Variants in MAGI1 observed in about 807,000 individuals in gnomAD.
MAGI1 encodes membrane associated guanylate kinase, WW and PDZ domain containing 1, also known as membrane-associated guanylate kinase, WW and PDZ domain-containing protein 1.
MAGI1 carries 58 observed loss-of-function variants against 139.9 expected under a neutral mutation model. The ratio of observed to expected loss-of-function variants is 0.41; its 90% CI spans 0.34 to 0.52. MAGI1 has a LOEUF of 0.52. Ranked by LOEUF, MAGI1 falls within the 20% of genes least tolerant of loss-of-function variation. MAGI1 has a pLI of 0.12. For missense variants in MAGI1, 1,874 were observed against 1,901.6 expected, an observed-to-expected ratio of 0.99 and a Z score of 0.27; for synonymous variants, 812 against 737.9, an observed-to-expected ratio of 1.10 and a Z score of -1.63.
intron 1 of MAGI1, among the ~76,000 whole-genome samples, chr3:65,835,729 G>T (rs1195877914): frequency 2.0e-5 from 3 of 152,100 alleles, no homozygotes; most frequent in South Asian, 2.1e-4. Flanking sequence ...AAATGTAAAT[G>T]AGAACATTCT....
intron 1 of MAGI1, among the ~76,000 whole-genome samples, chr3:65,775,972 C>G (rs1163491699): frequency 6.6e-6 from 1 of 150,800 alleles, no homozygotes; most frequent in African/African-American, 2.4e-5. Flanking sequence ...TCTAATTATT[C>G]TTTGATGAAT....
intron 1 of MAGI1, among the ~76,000 whole-genome samples, chr3:65,905,530 C>T (rs2061404298): frequency 6.6e-6 from 1 of 151,404 alleles, no homozygotes. Context: ...TTTTTAGAGA[C>T]AGGGTCTCAC....
rs1262992894 is a variant in MAGI1 at position 65,697,723 on chromosome 3, C to T, written c.314-75635G>A. Among the ~76,000 whole-genome samples the T allele has an allele frequency of 2.7e-5, 3 of 112,158 alleles. No homozygotes were observed. In the South Asian group the frequency reaches 8.0e-4, roughly 30 times the overall value. The allele number at this position is 112,158 out of a possible 152,430, so 73.6% of individuals were successfully genotyped here. A position where few individuals can be genotyped will look rare whatever the true frequency, so the allele number is the denominator to read the frequency against. On this transcript the variant is annotated intron_variant, in intron 1 of 22. Transcript: ENST00000402939. The stretch of plus-strand genomic sequence containing the variant: ...TAAATTAGGTATTGATGGGACATAT[C>T]TCAAAATAATAAGAGCTATCTATGA...
intron 1 of MAGI1, among the ~76,000 whole-genome samples, chr3:65,867,613 A>C (rs76941934): frequency 0.16 from 24,510 of 152,034 alleles, 2,525 homozygotes; most frequent in East Asian, 0.34. Context: ...CCCACGCCTA[A>C]AGTCCCAGTT....
chr3:65,398,233 G>A (rs1944547787), intron 13 of MAGI1, among the ~76,000 whole-genome samples: 1 of 152,186 alleles, frequency 6.6e-6, no homozygotes, highest in South Asian at 2.1e-4. Flanking sequence ...GAAGATGATA[G>A]CTAGGTGTGG....
intron 2 of MAGI1, among the ~76,000 whole-genome samples, chr3:65,507,898 T>TA (rs1401457236): frequency 1.3e-5 from 2 of 151,208 alleles, no homozygotes; most frequent in Non-Finnish European, 3.0e-5. Context: ...TAGAGGTGAT[T>TA]TTTTTTTTAA....
chr3:65,489,665 G>C (rs1363273006), intron 3 of MAGI1, among the ~76,000 whole-genome samples: 1 of 152,144 alleles, frequency 6.6e-6, no homozygotes, highest in African/African-American at 2.4e-5. Flanking sequence ...AGAATGAGGT[G>C]AAACTGTATG....
intron 2 of MAGI1, among the ~76,000 whole-genome samples, chr3:65,550,565 T>C: frequency 6.6e-6 from 1 of 152,200 alleles, no homozygotes; most frequent in Non-Finnish European, 1.5e-5. Flanking sequence ...ACTTTAGTTT[T>C]AGTTTCAGGT....
chr3:65,615,256 A>T (rs1291455733), intron 2 of MAGI1, among the ~76,000 whole-genome samples: 1 of 152,078 alleles, frequency 6.6e-6, no homozygotes, highest in Non-Finnish European at 1.5e-5. Flanking sequence ...TCACCCCCAA[A>T]ATTACACTTA....
intron 12 of MAGI1, among the ~76,000 whole-genome samples, chr3:65,404,352 A>C (rs936562111): frequency 6.6e-6 from 1 of 152,200 alleles, no homozygotes; most frequent in African/African-American, 2.4e-5. Context: ...AGTCCATGGA[A>C]TATTCCAGAA....
At chr3:65,419,177 G>A (rs1045296629) in intron 12 of MAGI1, among the ~76,000 whole-genome samples, 2 of 151,018 alleles carry the variant, frequency 1.3e-5, no homozygotes, top group Non-Finnish European at 2.9e-5. Flanking sequence ...ACAAACTTAT[G>A]TGACTATGTT....
At chr3:65,465,557 A>G (rs1456692986) in intron 5 of MAGI1, among the ~76,000 whole-genome samples, 1 of 152,162 alleles carries the variant, frequency 6.6e-6, no homozygotes, top group African/African-American at 2.4e-5. Flanking sequence ...GAAAAATGCT[A>G]TGCCACTTCC....
intron 6 of MAGI1, among the ~76,000 whole-genome samples, chr3:65,448,946 A>G (rs1948846000): frequency 6.6e-6 from 1 of 152,112 alleles, no homozygotes; most frequent in Admixed American, 6.5e-5. Context: ...TATAAGCTTC[A>G]CAAACACAGG....
Position 65,858,100 on chromosome 3 carries a change from C to T in MAGI1, c.313+179896G>A, listed in dbSNP as rs951085401. ...CTCCAGCCTGGGTGACAGAGAGACA[C>T]ATTGTCTCAAAAACAAACAAACAAA... On this transcript the variant is annotated intron_variant, in intron 1 of 22. Coordinates refer to ENST00000402939, the MANE Select transcript of MAGI1 (RefSeq NM_001033057.2). Among the ~76,000 whole-genome samples the T allele has an allele frequency of 1.2e-4, 17 of 146,694 alleles. No individual in the cohort carries two copies. In the East Asian group the frequency reaches 2.7e-3, roughly 23 times the overall value.
chr3:65,694,704 G>T (rs1055717030), intron 1 of MAGI1, among the ~76,000 whole-genome samples: 5 of 152,196 alleles, frequency 3.3e-5, no homozygotes, highest in African/African-American at 1.2e-4. Context: ...CACCTAACTT[G>T]TACTCCTGTG....
intron 1 of MAGI1, among the ~76,000 whole-genome samples, chr3:66,022,236 A>G (rs766772481): frequency 2.6e-5 from 4 of 152,192 alleles, no homozygotes; most frequent in Non-Finnish European, 4.4e-5. Context: ...ATTTTTAGCT[A>G]AAATGTCGCA....
intron 1 of MAGI1, among the ~76,000 whole-genome samples, chr3:65,752,248 C>A (rs980807868): frequency 2.6e-5 from 4 of 152,158 alleles, no homozygotes; most frequent in African/African-American, 9.7e-5. Flanking sequence ...TGCAAAGATA[C>A]TTAGAAGTAG....
intron 2 of MAGI1, among the ~76,000 whole-genome samples, chr3:65,619,457 A>ACCC (rs1315247889): frequency 1.3e-5 from 2 of 152,180 alleles, no homozygotes; most frequent in African/African-American, 4.8e-5. Flanking sequence ...AAAGATGTCT[A>ACCC]CCCCCACCAC....
At chr3:65,977,874 G>C (rs914827832) in intron 1 of MAGI1, among the ~76,000 whole-genome samples, 3 of 152,184 alleles carry the variant, frequency 2.0e-5, no homozygotes, top group African/African-American at 7.2e-5. Context: ...TGTTGGCACT[G>C]CTCCCTCTGC....
Sources: gnomAD v4.1 joint callset for allele counts (sites outside exome capture counted in the v4.1 genomes callset) on GRCh38, gnomAD v4.1.1 for gene constraint, MANE v1.5 for transcripts, NCBI Gene and HGNC (gene_info 2026-07-23, HGNC 2026-07-21) for gene names.